The following PRRC2B variants were observed in gnomAD, a reference collection of about 807,000 sequenced individuals.
PRRC2B encodes the protein protein PRRC2B.
PRRC2B carries 68 observed loss-of-function variants against 242.3 expected under a neutral mutation model. That is an observed-to-expected ratio of 0.28 (90% CI 0.23 to 0.34). The LOEUF is 0.34. Ranked by LOEUF, PRRC2B falls within the 10% of genes least tolerant of loss-of-function variation. The probability of loss-of-function intolerance (pLI) is 1.00; values close to 1 mark genes in which losing one functional copy is unlikely to be tolerated. For missense variants in PRRC2B, 2,835 were observed against 2,954.8 expected, an observed-to-expected ratio of 0.96 and a Z score of 0.94; for synonymous variants, 1,228 against 1,173.6, an observed-to-expected ratio of 1.05 and a Z score of -0.95.
intron 7 of PRRC2B, 36 bp from the exon 8 acceptor site, chr9:131,447,049 T>C: frequency 1.2e-6 from 2 of 1,612,758 alleles, no homozygotes; most frequent in Non-Finnish European, 1.7e-6. Flanking sequence ...TTTCAGCCAT[T>C]ACCAGCAAAT....
At chr9:131,399,091 C>T (rs1237361097) in intron 1 of PRRC2B, among the ~76,000 whole-genome samples, 10 of 151,288 alleles carry the variant, frequency 6.6e-5, no homozygotes, top group African/African-American at 2.4e-4. Context: ...GCCTGGCCAA[C>T]ATGGTGAAAC....
At chr9:131,379,521 A>G (rs922460235) in intron 1 of PRRC2B, among the ~76,000 whole-genome samples, 28 of 151,276 alleles carry the variant, frequency 1.9e-4, no homozygotes, top group African/African-American at 7.3e-5. Context: ...AGTGGTTTTG[A>G]TTTGCATTTC....
At chr9:131,436,196 A>T (rs1313467389) in intron 3 of PRRC2B, among the ~76,000 whole-genome samples, 1 of 152,076 alleles carries the variant, frequency 6.6e-6, no homozygotes, top group Non-Finnish European at 1.5e-5. Flanking sequence ...AAGGCAGAAA[A>T]GTTTCATTTT....
rs777220394 is a variant in PRRC2B, at chr9:131,474,892, G to A, written c.2763G>A (p.Glu921=). Reference sequence around the variant, plus strand: ...CCTCGGAGCCTGAATGGACTCCCGAGCCCCGGAGCTCCAGCAGCCAGCACC... The same window carrying A: ...CCTCGGAGCCTGAATGGACTCCCGAACCCCGGAGCTCCAGCAGCCAGCACC... ...QPSSEPEWTP[E]PRSSSSQHPE... is the part of the protein sequence containing the mutation. The change falls in exon 16 of 32, where the codon GAG becomes GAA. Residue 921 remains glutamate, a synonymous_variant. Coordinates refer to ENST00000683519, the MANE Select transcript of PRRC2B (RefSeq NM_013318.4). 1 of 1,595,346 alleles carries A rather than the reference G, an allele frequency of 6.3e-7. No homozygotes were observed. Among genetic ancestry groups the A allele is most frequent in the East Asian group, 2.3e-5 (1 of 43,806 alleles).
intron 11 of PRRC2B, among the ~76,000 whole-genome samples, chr9:131,461,358 C>T (rs572992373): frequency 1.8e-4 from 27 of 152,274 alleles, no homozygotes; most frequent in Admixed American, 1.6e-3. Context: ...CTCCCCTTGC[C>T]TGGGCTCTAA....
In PRRC2B at chr9:131,462,044, C is replaced by T. The variant is rs1230349008; in HGVS notation, c.1404+2688C>T. On this transcript the variant is annotated intron_variant, in intron 11 of 31. Coordinates refer to ENST00000683519, the MANE Select transcript of PRRC2B (RefSeq NM_013318.4). ...TTTTCATTCACATGTTGAGGTTGCTCCGTATTCCTTTTTTTTTCCTTTTCA... is the reference window on the plus strand; with the variant it reads ...TTTTCATTCACATGTTGAGGTTGCTTCGTATTCCTTTTTTTTTCCTTTTCA... Among the ~76,000 whole-genome samples, 4 of 152,276 alleles carry T rather than the reference C, an allele frequency of 2.6e-5. No individual in the cohort carries two copies. In the East Asian group the frequency reaches 7.7e-4, roughly 29 times the overall value.
chr9:131,495,530 CAG>C (rs1265805428), intron 31 of PRRC2B, among the ~76,000 whole-genome samples: 9 of 152,128 alleles, frequency 5.9e-5, no homozygotes, highest in African/African-American at 2.2e-4. Context: ...TCACTGCACT[CAG>C]GGCTTATGGG....
In PRRC2B at chr9:131,386,479, C is replaced by T. The variant is rs1836827012; in HGVS notation, c.-56+12748C>T. Among the ~76,000 whole-genome samples the T allele has an allele frequency of 2.0e-5, 3 of 150,360 alleles. No homozygotes were observed. The South Asian group carries it at 6.3e-4, about 32-fold the overall frequency. On this transcript the variant is annotated intron_variant, in intron 1 of 1. Transcript: ENST00000682525. ...CTCCCACTGTCCCCAGAGGGTGTCA[C>T]CCCACTTCCAGATCTGCCCGAGGAA...
intron 9 of PRRC2B, among the ~76,000 whole-genome samples, chr9:131,453,486 C>T (rs1313877393): frequency 6.6e-6 from 1 of 152,098 alleles, no homozygotes; most frequent in African/African-American, 2.4e-5. Flanking sequence ...AGTCCTCCCA[C>T]CTTAGTCTCC....
At chr9:131,424,631 A>G (rs555228585) in intron 1 of PRRC2B, among the ~76,000 whole-genome samples, 1 of 152,236 alleles carries the variant, frequency 6.6e-6, no homozygotes, top group South Asian at 2.1e-4. Context: ...GGTTATAGTG[A>G]GCCAAGATTG....
At chr9:131,453,779 G>T (rs982951834) in intron 9 of PRRC2B, among the ~76,000 whole-genome samples, 2 of 152,126 alleles carry the variant, frequency 1.3e-5, no homozygotes, top group Admixed American at 1.3e-4. Context: ...TGATCCTCCT[G>T]CCTTGACCTC....
chr9:131,444,012 C>A (rs949871908), intron 5 of PRRC2B, among the ~76,000 whole-genome samples, 173 bp from the exon 6 acceptor site: 2 of 152,202 alleles, frequency 1.3e-5, no homozygotes, highest in Admixed American at 1.3e-4. Context: ...GCAGCAGTCT[C>A]CCTTGCCACC....
chr9:131,466,777 G>A (rs1943407170), intron 12 of PRRC2B, among the ~76,000 whole-genome samples: 1 of 151,926 alleles, frequency 6.6e-6, no homozygotes, highest in African/African-American at 2.4e-5. Context: ...GCGCCACCAT[G>A]CCTGGCTAAT....
chr9:131,377,359 C>T (rs1465635468), intron 1 of PRRC2B, among the ~76,000 whole-genome samples: 3 of 152,210 alleles, frequency 2.0e-5, no homozygotes, highest in Admixed American at 6.5e-5. Context: ...GTGATCCGCG[C>T]GCCTCAGCCT....
chr9:131,472,631 C>A (rs112024653), intron 14 of PRRC2B, among the ~76,000 whole-genome samples: 1 of 152,060 alleles, frequency 6.6e-6, no homozygotes, highest in African/African-American at 2.4e-5. Context: ...CACCTGCCAC[C>A]ATGCCTGGCT....
intron 1 of PRRC2B, among the ~76,000 whole-genome samples, chr9:131,418,599 C>T (rs1837720968): frequency 6.6e-6 from 1 of 152,152 alleles, no homozygotes; most frequent in African/African-American, 2.4e-5. Flanking sequence ...GCCCAGATTC[C>T]AGCTTGCTCC....
chr9:131,425,194 C>G lies in PRRC2B; in HGVS notation c.-51-4900C>G, dbSNP rs141285529. 1.2e-3 allele frequency among the ~76,000 whole-genome samples: 177 copies of G among 152,248 alleles called. 1 individual carries two copies. The highest frequency in any genetic ancestry group is 1.9e-3 in the Non-Finnish European group (127 of 68,020). ...ATAGACGGGGTTTCACCATGTTGGC[C>G]AGGCTGGTCTTGAACTCCTGACCTC... On this transcript the variant is annotated intron_variant, in intron 1 of 31. Coordinates refer to ENST00000683519, the MANE Select transcript of PRRC2B (RefSeq NM_013318.4).
At chr9:131,401,769 T>C (rs1229322181) in intron 1 of PRRC2B, among the ~76,000 whole-genome samples, 1 of 150,414 alleles carries the variant, frequency 6.6e-6, no homozygotes, top group Admixed American at 6.6e-5. Flanking sequence ...TAAGAGATTC[T>C]CCTGCCTCAG....
intron 12 of PRRC2B, among the ~76,000 whole-genome samples, chr9:131,465,758 C>A (rs1367549660): frequency 2.0e-5 from 3 of 151,892 alleles, no homozygotes; most frequent in Non-Finnish European, 4.4e-5. Context: ...GAAATGGAGT[C>A]TCTTTCTGTC....
Sources: gnomAD v4.1 joint callset for allele counts (sites outside exome capture counted in the v4.1 genomes callset) on GRCh38, gnomAD v4.1.1 for gene constraint, MANE v1.5 for transcripts, NCBI Gene and HGNC (gene_info 2026-07-23, HGNC 2026-07-21) for gene names.